The following AHCYL1 variants were observed in gnomAD, a reference collection of about 807,000 sequenced individuals.
The protein encoded by AHCYL1 is S-adenosylhomocysteine hydrolase-like protein 1.
In AHCYL1, 20 loss-of-function variants were observed where a neutral mutation model predicts 79.3. The observed-to-expected ratio is 0.25, with a 90% CI of 0.18 to 0.37. The LOEUF is 0.37. AHCYL1 is among the 10% of genes least tolerant of loss of function. AHCYL1 has a pLI of 1.00. For synonymous variants in AHCYL1, 223 were observed against 242.2 expected (o/e 0.92, Z 0.74); for missense variants, 330 against 673.6 (o/e 0.49, Z 5.65).
At chr1:109,989,709 T>C (rs1041714543) in intron 1 of AHCYL1, among the ~76,000 whole-genome samples, 23 of 152,248 alleles carry the variant, frequency 1.5e-4, no homozygotes, top group African/African-American at 5.3e-4. Context: ...GAATCATTTA[T>C]ACGTACCTGT....
intron 9 of AHCYL1, among the ~76,000 whole-genome samples, chr1:110,016,992 A>G (rs1376448452): frequency 6.6e-6 from 1 of 152,200 alleles, no homozygotes; most frequent in South Asian, 2.1e-4. Flanking sequence ...ATAACCTTTA[A>G]TGAGACTTAA....
chr1:109,994,851 A>G (rs1312244092), intron 1 of AHCYL1, among the ~76,000 whole-genome samples: 1 of 152,186 alleles, frequency 6.6e-6, no homozygotes, highest in Non-Finnish European at 1.5e-5. Context: ...AATTATATTG[A>G]TAATACAGTG....
intron 1 of AHCYL1, among the ~76,000 whole-genome samples, chr1:109,990,231 A>G (rs1057026911): frequency 6.6e-6 from 1 of 152,252 alleles, no homozygotes; most frequent in Non-Finnish European, 1.5e-5. Context: ...GTTGTGGGAC[A>G]TTCAACAAGT....
chr1:109,994,550 A>G (rs1224218188), intron 1 of AHCYL1, among the ~76,000 whole-genome samples: 2 of 152,180 alleles, frequency 1.3e-5, no homozygotes, highest in African/African-American at 4.8e-5. Context: ...TGGCCTCCCA[A>G]AGTGTTGGGA....
At chr1:110,002,448 A>C (rs1650369794) in intron 1 of AHCYL1, among the ~76,000 whole-genome samples, 2 of 152,262 alleles carry the variant, frequency 1.3e-5, no homozygotes, top group African/African-American at 4.8e-5. Flanking sequence ...TATTCAGTGC[A>C]ATTAATGTAT....
chr1:110,020,678 T>G, intron 15 of AHCYL1, 53 bp from the exon 16 acceptor site: 1 of 1,530,694 alleles, frequency 6.5e-7, no homozygotes, highest in Admixed American at 2.2e-5. Context: ...AAGTTATAAC[T>G]TGAGAGACAT....
intron 1 of AHCYL1, among the ~76,000 whole-genome samples, chr1:109,998,888 A>T (rs115712215): frequency 0.03 from 4,521 of 152,258 alleles, 233 homozygotes; most frequent in African/African-American, 0.1. Flanking sequence ...TATTTGGACC[A>T]GGAGTGATGG....
intron 10 of AHCYL1, 134 bp from the exon 11 acceptor site, chr1:110,017,812 G>T: frequency 1.0e-6 from 1 of 986,784 alleles, no homozygotes; most frequent in Non-Finnish European, 1.6e-6. Context: ...ATATAGTTTA[G>T]CAGAGCTTAT....
intron 1 of AHCYL1, among the ~76,000 whole-genome samples, chr1:109,991,806 A>G (rs955262207): frequency 3.3e-5 from 5 of 152,194 alleles, no homozygotes; most frequent in Admixed American, 2.6e-4. Context: ...GAGTATAACC[A>G]TCTTTCATTC....
At chr1:110,004,507 CT>C (rs936539764) in intron 1 of AHCYL1, 7,477 of 802,130 alleles carry the variant, frequency 9.3e-3, no homozygotes, top group Middle Eastern at 0.01. Context: ...TTGGGAAACA[CT>C]TTTTTTTTTA....
chr1:109,999,100 G>A (rs1557763293), intron 1 of AHCYL1, among the ~76,000 whole-genome samples: 1 of 151,824 alleles, frequency 6.6e-6, no homozygotes, highest in East Asian at 1.9e-4. Flanking sequence ...GGGTTGCAGT[G>A]AGCTATGATC....
intron 1 of AHCYL1, among the ~76,000 whole-genome samples, chr1:109,992,793 C>T (rs1306892720): frequency 6.6e-6 from 1 of 152,168 alleles, no homozygotes; most frequent in African/African-American, 2.4e-5. Context: ...GTTCTTTCCT[C>T]AGGAAAATTC....
intron 1 of AHCYL1, among the ~76,000 whole-genome samples, chr1:109,985,714 C>G (rs1017713875): frequency 1.3e-5 from 2 of 152,202 alleles, no homozygotes; most frequent in Non-Finnish European, 2.9e-5. Context: ...ATGATTTTCA[C>G]TTTCTACAGC....
At chr1:110,020,680 G>C (rs769946236) in intron 15 of AHCYL1, 51 bp from the exon 16 acceptor site, 2 of 1,530,920 alleles carry the variant, frequency 1.3e-6, no homozygotes, top group East Asian at 4.8e-5. Context: ...GTTATAACTT[G>C]AGAGACATTT....
chr1:110,000,237 T>G (rs1046480832), intron 1 of AHCYL1, among the ~76,000 whole-genome samples: 1 of 152,166 alleles, frequency 6.6e-6, no homozygotes, highest in Admixed American at 6.5e-5. Flanking sequence ...AAACTAAAAA[T>G]TTTGCTTAAA....
rs755346602 is a variant in AHCYL1 at position 110,009,156 on chromosome 1, A to C, written c.232+11A>C. 1 of 1,594,442 alleles carries C rather than the reference A, an allele frequency of 6.3e-7. No individual in the cohort carries two copies. Among genetic ancestry groups the C allele is most frequent in the South Asian group, 1.1e-5 (1 of 90,582 alleles). ...ACAGCTACAGTTCAGGTAGGTGTGA[A>C]TGAACTCCATGTCCTCTCTAATCTC... is the stretch of plus-strand genomic sequence containing the variant. On this transcript the variant is annotated intron_variant, in intron 2 of 16. Coordinates refer to ENST00000369799, the MANE Select transcript of AHCYL1 (RefSeq NM_006621.7).
At chr1:110,005,256 A>G (rs1025918514) in intron 1 of AHCYL1, among the ~76,000 whole-genome samples, 3 of 152,214 alleles carry the variant, frequency 2.0e-5, no homozygotes, top group African/African-American at 7.2e-5. Context: ...CTAGTTCTTG[A>G]CACTTAGGAA....
At chr1:110,021,556 G>A (rs1651795353) in intron 16 of AHCYL1, 118 bp from the exon 17 acceptor site, 8 of 909,958 alleles carry the variant, frequency 8.8e-6, no homozygotes, top group African/African-American at 5.1e-5. Context: ...GGGAATGACT[G>A]CAGGGATCCC....
intron 1 of AHCYL1, among the ~76,000 whole-genome samples, chr1:110,008,645 C>T (rs1342789316): frequency 6.6e-6 from 1 of 152,054 alleles, no homozygotes; most frequent in African/African-American, 2.4e-5. Flanking sequence ...AACCAAAAAA[C>T]CCCAGTAGCA....
Sources: gnomAD v4.1 joint callset for allele counts (sites outside exome capture counted in the v4.1 genomes callset) on GRCh38, gnomAD v4.1.1 for gene constraint, MANE v1.5 for transcripts, NCBI Gene and HGNC (gene_info 2026-07-23, HGNC 2026-07-21) for gene names.